The following SNTB2 variants were observed in gnomAD, a reference collection of about 807,000 sequenced individuals.
The protein encoded by SNTB2 is syntrophin beta 2, also known as beta-2-syntrophin.
SNTB2 carries 34 observed loss-of-function variants against 46.2 expected under a neutral mutation model. The observed-to-expected ratio is 0.74, with a 90% CI of 0.56 to 0.98. SNTB2 has a LOEUF of 0.98. SNTB2 is among the 50% of genes least tolerant of loss of function. SNTB2 has a pLI of 0.00. For missense variants in SNTB2, 603 were observed against 731.4 expected, an observed-to-expected ratio of 0.82 and a Z score of 2.02; for synonymous variants, 290 against 312.6, an observed-to-expected ratio of 0.93 and a Z score of 0.76.
intron 1 of SNTB2, among the ~76,000 whole-genome samples, chr16:69,197,149 C>T (rs965270108): frequency 6.6e-6 from 1 of 152,048 alleles, no homozygotes; most frequent in African/African-American, 2.4e-5. Context: ...AAGAAGTACC[C>T]AAAATGGGTT....
chr16:69,268,664 A>G (rs1964909128), intron 3 of SNTB2, among the ~76,000 whole-genome samples: 1 of 152,080 alleles, frequency 6.6e-6, no homozygotes, highest in African/African-American at 2.4e-5. Context: ...CAGGAGTTCG[A>G]GGCCAGCCTG....
intron 5 of SNTB2, among the ~76,000 whole-genome samples, chr16:69,288,529 C>CA (rs1965128337): frequency 6.6e-6 from 1 of 151,768 alleles, no homozygotes; most frequent in African/African-American, 2.4e-5. Flanking sequence ...ATTCAAAAGA[C>CA]AAAAAATAAC....
At chr16:69,288,433 A>G (rs1272000661) in intron 5 of SNTB2, among the ~76,000 whole-genome samples, 1 of 152,308 alleles carries the variant, frequency 6.6e-6, no homozygotes, top group Non-Finnish European at 1.5e-5. Context: ...GTTCTTATTC[A>G]CAGCTGTATT....
intron 1 of SNTB2, among the ~76,000 whole-genome samples, chr16:69,196,164 G>T (rs373798312): frequency 6.6e-6 from 1 of 151,976 alleles, no homozygotes; most frequent in Non-Finnish European, 1.5e-5. Context: ...ACTTGAGCTC[G>T]GGAGATTGAG....
In SNTB2 at chr16:69,262,078, G is replaced by A. The variant is rs552294616; in HGVS notation, c.1005+1818G>A. Reference sequence around the variant, plus strand: ...GTAAAAATACAAAAAAATGAGCTGGGTGTGGTGGCATGCACCTGTGTCCTT... The same window carrying A: ...GTAAAAATACAAAAAAATGAGCTGGATGTGGTGGCATGCACCTGTGTCCTT... On this transcript the variant is annotated intron_variant, in intron 3 of 6. Transcript: ENST00000336278. 5.9e-5 allele frequency among the ~76,000 whole-genome samples: 9 copies of A among 152,316 alleles called. No homozygotes were observed. In the East Asian group the frequency reaches 1.7e-3, roughly 29 times the overall value.
chr16:69,193,402 C>T (rs946059011), intron 1 of SNTB2, among the ~76,000 whole-genome samples: 5 of 138,534 alleles, frequency 3.6e-5, no homozygotes, highest in Admixed American at 1.6e-4. Context: ...CATCTCGGCT[C>T]ACTGCAACCT....
intron 1 of SNTB2, among the ~76,000 whole-genome samples, chr16:69,224,271 G>A (rs1964436918): frequency 6.8e-6 from 1 of 147,864 alleles, no homozygotes. Flanking sequence ...GAGTGCAGTG[G>A]TGCGATCTTG....
intron 1 of SNTB2, among the ~76,000 whole-genome samples, chr16:69,199,194 C>T (rs546378884): frequency 2.0e-4 from 31 of 152,104 alleles, no homozygotes; most frequent in African/African-American, 7.2e-4. Context: ...CACGCCTGGC[C>T]TATAATAATG....
intron 5 of SNTB2, among the ~76,000 whole-genome samples, chr16:69,297,306 C>CAAAAA (rs60543622): frequency 2.2e-5 from 1 of 45,722 alleles, no homozygotes; most frequent in Non-Finnish European, 3.6e-5. Context: ...GATTCTATCT[C>CAAAAA]AAAAAAAAAA....
chr16:69,303,350 T>G lies in SNTB2; in HGVS notation c.*2426T>G, dbSNP rs1243209047. 6.6e-6 allele frequency: 1 copy of G among 152,350 alleles called. No homozygotes were observed. The highest frequency in any genetic ancestry group is 1.5e-5 in the Non-Finnish European group (1 of 68,034). 9.4% of individuals were successfully genotyped at this position (152,350 alleles called of 1,614,324 possible). On this transcript the variant is annotated 3_prime_UTR_variant, in exon 7 of 7. Coordinates refer to ENST00000336278, the MANE Select transcript of SNTB2 (RefSeq NM_006750.4). ...TACAGACTTCAGCAGCAAAGCCATT[T>G]GGTTGAGGTTTTCTGTGTTAATGTG...
chr16:69,243,020 TAAA>T (rs371176390), intron 1 of SNTB2, among the ~76,000 whole-genome samples: 3 of 96,060 alleles, frequency 3.1e-5, no homozygotes, highest in Non-Finnish European at 4.2e-5. Flanking sequence ...GACTGCATCT[TAAA>T]AAAAAAAAAA....
intron 1 of SNTB2, among the ~76,000 whole-genome samples, chr16:69,233,969 A>G (rs888028118): frequency 1.3e-5 from 2 of 152,044 alleles, no homozygotes; most frequent in South Asian, 2.1e-4. Context: ...AGAATGAGCT[A>G]TGATTGTGCC....
intron 1 of SNTB2, among the ~76,000 whole-genome samples, chr16:69,238,176 G>A (rs1028129782): frequency 6.6e-6 from 1 of 152,130 alleles, no homozygotes; most frequent in Non-Finnish European, 1.5e-5. Flanking sequence ...GACATTGGAG[G>A]GAAAGAAGGA....
intron 1 of SNTB2, among the ~76,000 whole-genome samples, chr16:69,243,049 A>G (rs1964633912): frequency 6.6e-6 from 1 of 151,766 alleles, no homozygotes; most frequent in African/African-American, 2.4e-5. Flanking sequence ...AAAGGGATAC[A>G]TGAATGGAAG....
chr16:69,255,332 G>A (rs1964762697), intron 2 of SNTB2, among the ~76,000 whole-genome samples: 1 of 152,084 alleles, frequency 6.6e-6, no homozygotes, highest in Admixed American at 6.6e-5. Flanking sequence ...GGAGGCCAAG[G>A]TGGGCGGATC....
intron 2 of SNTB2, among the ~76,000 whole-genome samples, chr16:69,256,392 G>A (rs1414308433): frequency 2.6e-5 from 4 of 152,106 alleles, no homozygotes; most frequent in Non-Finnish European, 5.9e-5. Flanking sequence ...CAGGTCAGAA[G>A]TGTTAAGTAT....
intron 3 of SNTB2, among the ~76,000 whole-genome samples, chr16:69,266,390 A>T (rs1307765914): frequency 6.6e-6 from 1 of 151,508 alleles, no homozygotes; most frequent in Non-Finnish European, 1.5e-5. Context: ...AAAACAAAAC[A>T]AAAAAAAGTT....
At chr16:69,292,836 C>A (rs560998566) in intron 5 of SNTB2, among the ~76,000 whole-genome samples, 2 of 151,882 alleles carry the variant, frequency 1.3e-5, no homozygotes, top group Non-Finnish European at 2.9e-5. Context: ...AAATTACTAT[C>A]GGGGAGCTTC....
intron 2 of SNTB2, among the ~76,000 whole-genome samples, chr16:69,248,279 AT>A: frequency 6.6e-6 from 1 of 152,340 alleles, no homozygotes; most frequent in South Asian, 2.1e-4. Flanking sequence ...TGTATGTTGA[AT>A]CATCTAAGTG....
Sources: allele counts gnomAD v4.1 joint callset (sites outside exome capture counted in the v4.1 genomes callset), GRCh38; gene constraint gnomAD v4.1.1; transcripts MANE v1.5; gene names NCBI Gene and HGNC (gene_info 2026-07-23, HGNC 2026-07-21).